WIPF3: variants seen among roughly 807,000 people sequenced by gnomAD.
WIPF3 encodes WAS/WASL-interacting protein family member 3.
In WIPF3, 33 loss-of-function variants were observed where a neutral mutation model predicts 38.9. The observed-to-expected ratio is 0.85, with a 90% CI of 0.64 to 1.14. WIPF3 has a LOEUF of 1.14. WIPF3 is among the 50% of genes most tolerant of loss of function. The probability of loss-of-function intolerance (pLI) is 0.00; values close to 1 mark genes in which losing one functional copy is unlikely to be tolerated. For missense variants in WIPF3, 711 were observed against 652.5 expected, an observed-to-expected ratio of 1.09 and a Z score of -0.98; for synonymous variants, 324 against 269.3, an observed-to-expected ratio of 1.20 and a Z score of -1.99.
chr7:29,851,715 G>A (rs766728587), intron 2 of WIPF3, among the ~76,000 whole-genome samples: 12 of 152,222 alleles, frequency 7.9e-5, no homozygotes, highest in Non-Finnish European at 1.3e-4. Context: ...CTGCATGGCC[G>A]CATGCTGGTG....
chr7:29,820,350 G>A (rs1784517129), intron 1 of WIPF3, among the ~76,000 whole-genome samples: 1 of 152,086 alleles, frequency 6.6e-6, no homozygotes, highest in Non-Finnish European at 1.5e-5. Flanking sequence ...ATTTGGTCCA[G>A]TTTGAGGGCT....
chr7:29,910,658 GA>G (rs572069964), intron 8 of WIPF3, among the ~76,000 whole-genome samples: 56 of 151,686 alleles, frequency 3.7e-4, no homozygotes, highest in Admixed American at 6.6e-4. Flanking sequence ...AGGATGAAGG[GA>G]AAAAAACACA....
At chr7:29,889,261 C>G (rs1785956273) in intron 6 of WIPF3, 45 bp from the exon 7 acceptor site, 1 of 1,516,366 alleles carries the variant, frequency 6.6e-7, no homozygotes, top group South Asian at 1.1e-5. Flanking sequence ...AAACTTGGAT[C>G]ATGACAGTAA....
In WIPF3 at chr7:29,844,732, A is replaced by C. The variant is rs560023304; in HGVS notation, c.90+9918A>C. ...CCTGTGGACTAGCACATAGTAATTG[A>C]GTTATTCTTCACAGTAACCCTTTGA... On this transcript the variant is annotated intron_variant, in intron 2 of 8. Coordinates refer to ENST00000242140, the MANE Select transcript of WIPF3 (RefSeq NM_001080529.3). The surrounding 1 kb of genome is among the most constrained non-coding windows in gnomAD (Gnocchi z 4.8). Among the ~76,000 whole-genome samples the C allele has an allele frequency of 6.6e-6, 1 of 152,264 alleles. No homozygotes were observed. Among genetic ancestry groups the C allele is most frequent in the East Asian group, 1.9e-4 (1 of 5,184 alleles).
At chr7:29,897,839 T>C (rs1430761066) in intron 7 of WIPF3, among the ~76,000 whole-genome samples, 1 of 152,216 alleles carries the variant, frequency 6.6e-6, no homozygotes, top group Non-Finnish European at 1.5e-5. Flanking sequence ...CTGCTGACCA[T>C]ACCTCTTCAA....
chr7:29,867,992 C>A (rs889005906), intron 2 of WIPF3, among the ~76,000 whole-genome samples: 1 of 151,722 alleles, frequency 6.6e-6, no homozygotes, highest in African/African-American at 2.4e-5. Flanking sequence ...TTTTTGTGCT[C>A]AAAAATAAGA....
intron 4 of WIPF3, among the ~76,000 whole-genome samples, chr7:29,879,410 C>A (rs372870886): frequency 6.6e-6 from 1 of 152,098 alleles, no homozygotes; most frequent in Non-Finnish European, 1.5e-5. Flanking sequence ...TTAGTGATGG[C>A]GTGATGGTAG....
intron 6 of WIPF3, among the ~76,000 whole-genome samples, chr7:29,888,837 C>T (rs1019369469): frequency 2.0e-5 from 3 of 152,146 alleles, no homozygotes; most frequent in African/African-American, 4.8e-5. Context: ...GCTCAGGTCC[C>T]ACCCTAGACA....
At chr7:29,874,561 T>A (rs528653297) in intron 2 of WIPF3, among the ~76,000 whole-genome samples, 1 of 152,312 alleles carries the variant, frequency 6.6e-6, no homozygotes, top group African/African-American at 2.4e-5. Flanking sequence ...GGTATCCCCG[T>A]ACAGTAGGGC....
At chr7:29,888,558 C>G (rs988745441) in intron 6 of WIPF3, among the ~76,000 whole-genome samples, 1 of 151,158 alleles carries the variant, frequency 6.6e-6, no homozygotes, top group South Asian at 2.1e-4. Context: ...AATGCATAAG[C>G]CTGAAAGAGT....
intron 7 of WIPF3, among the ~76,000 whole-genome samples, chr7:29,903,676 A>T (rs764194393): frequency 2.7e-5 from 4 of 145,646 alleles, no homozygotes; most frequent in Admixed American, 2.1e-4. Flanking sequence ...ATATATACAG[A>T]TGTATGTATG....
intron 2 of WIPF3, among the ~76,000 whole-genome samples, chr7:29,839,847 C>G (rs73686240): frequency 0.031 from 4,701 of 152,302 alleles, 203 homozygotes; most frequent in African/African-American, 0.098. Flanking sequence ...GCTACAGCAG[C>G]AGAACACCAA....
intron 2 of WIPF3, among the ~76,000 whole-genome samples, chr7:29,848,198 G>A (rs1012314953): frequency 4.6e-5 from 7 of 152,178 alleles, no homozygotes; most frequent in African/African-American, 1.7e-4. Context: ...TGCAGCTATA[G>A]GACTGTAACT....
At chr7:29,908,724 C>G (rs1393879225) in intron 8 of WIPF3, among the ~76,000 whole-genome samples, 1 of 151,966 alleles carries the variant, frequency 6.6e-6, no homozygotes, top group African/African-American at 2.4e-5. Flanking sequence ...CAGCCTGGAA[C>G]ATGGTGAAAA....
intron 1 of WIPF3, among the ~76,000 whole-genome samples, chr7:29,806,916 G>C (rs995494903): frequency 4.0e-5 from 6 of 151,422 alleles, no homozygotes; most frequent in Non-Finnish European, 7.4e-5. Flanking sequence ...CCCCGGCCGG[G>C]CCGGGCCGGG....
chr7:29,894,785 ACAC>A (rs1356330245), intron 7 of WIPF3, among the ~76,000 whole-genome samples: 1 of 151,356 alleles, frequency 6.6e-6, no homozygotes, highest in African/African-American at 2.4e-5. Context: ...ACACACACAC[ACAC>A]GACACACACA....
chr7:29,816,970 A>G (rs936068093), intron 1 of WIPF3, among the ~76,000 whole-genome samples: 19 of 152,196 alleles, frequency 1.2e-4, no homozygotes, highest in African/African-American at 4.3e-4. Flanking sequence ...GTACAAATTT[A>G]TATTCCTACC....
At chr7:29,851,744 C>T (rs202009860) in intron 2 of WIPF3, among the ~76,000 whole-genome samples, 3 of 152,214 alleles carry the variant, frequency 2.0e-5, no homozygotes, top group Admixed American at 6.5e-5. Flanking sequence ...GCTGACTAGA[C>T]GGGTGCCCTG....
At chr7:29,817,020 A>C (rs575595528) in intron 1 of WIPF3, among the ~76,000 whole-genome samples, 1 of 152,156 alleles carries the variant, frequency 6.6e-6, no homozygotes, top group Admixed American at 6.6e-5. Context: ...CAACACATAC[A>C]TATCAAACTT....
Sources: gnomAD v4.1 joint callset for allele counts (sites outside exome capture counted in the v4.1 genomes callset) on GRCh38, gnomAD v4.1.1 for gene constraint, Gnocchi (gnomAD v3.1) non-coding constraint, MANE v1.5 for transcripts, NCBI Gene and HGNC (gene_info 2026-07-23, HGNC 2026-07-21) for gene names.